Variants in NRG3 observed in about 807,000 individuals in gnomAD.
The protein encoded by NRG3 is neuregulin 3, also known as pro-neuregulin-3, membrane-bound isoform.
In NRG3, 31 loss-of-function variants were observed where a neutral mutation model predicts 66.9. That is an observed-to-expected ratio of 0.46 (90% CI 0.35 to 0.63). NRG3 has a LOEUF of 0.63. Ranked by LOEUF, NRG3 falls within the 20% of genes least tolerant of loss-of-function variation. The probability of loss-of-function intolerance (pLI) is 0.00; values close to 1 mark genes in which losing one functional copy is unlikely to be tolerated. For missense variants in NRG3, 910 were observed against 878.9 expected (o/e 1.04, Z -0.45); for synonymous variants, 393 against 359.4 (o/e 1.09, Z -1.06).
intron 1 of NRG3, among the ~76,000 whole-genome samples, chr10:82,323,095 C>T (rs117278394): frequency 0.029 from 4,344 of 152,216 alleles, 104 homozygotes; most frequent in South Asian, 0.12. Context: ...GAAGTATTTC[C>T]TGGATGTTCC....
intron 1 of NRG3, among the ~76,000 whole-genome samples, chr10:82,021,682 G>A (rs565627893): frequency 1.3e-5 from 2 of 152,058 alleles, no homozygotes; most frequent in African/African-American, 2.4e-5. Flanking sequence ...AAGCATTGAA[G>A]CAATAATTTG....
chr10:82,769,636 A>G (rs2059641784), intron 3 of NRG3, among the ~76,000 whole-genome samples: 1 of 152,226 alleles, frequency 6.6e-6, no homozygotes, highest in East Asian at 1.9e-4. Context: ...GTAGAAAGCA[A>G]TAGACTAGGA....
intron 4 of NRG3, among the ~76,000 whole-genome samples, chr10:82,928,094 G>C (rs547483863): frequency 6.6e-6 from 1 of 152,274 alleles, no homozygotes; most frequent in South Asian, 2.1e-4. Context: ...CTAATGACCA[G>C]TGATGATGAG....
chr10:81,996,012 T>C (rs2060927033), intron 1 of NRG3, among the ~76,000 whole-genome samples: 1 of 152,204 alleles, frequency 6.6e-6, no homozygotes, highest in Admixed American at 6.5e-5. Flanking sequence ...GGAATTTTTT[T>C]TTCTTTATAA....
intron 4 of NRG3, among the ~76,000 whole-genome samples, chr10:82,913,577 T>C (rs1470065322): frequency 6.6e-6 from 1 of 152,188 alleles, no homozygotes. Context: ...GAATTCTAAA[T>C]TGGTGATGGT....
intron 4 of NRG3, among the ~76,000 whole-genome samples, chr10:82,932,961 G>C (rs576390021): frequency 6.6e-6 from 1 of 151,566 alleles, no homozygotes; most frequent in Admixed American, 6.6e-5. Flanking sequence ...TTCTTCACTC[G>C]CCTTTCTTCT....
intron 1 of NRG3, among the ~76,000 whole-genome samples, chr10:82,222,491 G>A (rs2133790562): frequency 6.6e-6 from 1 of 152,214 alleles, no homozygotes; most frequent in Admixed American, 6.5e-5. Context: ...AGACCCAGTT[G>A]ATTAGACCCC....
intron 1 of NRG3, among the ~76,000 whole-genome samples, chr10:82,065,581 G>A (rs1365925325): frequency 6.6e-6 from 1 of 152,092 alleles, no homozygotes; most frequent in African/African-American, 2.4e-5. Context: ...AAAATTTGCT[G>A]AATTACTGAC....
intron 2 of NRG3, among the ~76,000 whole-genome samples, chr10:82,414,401 G>A (rs1372879812): frequency 6.6e-6 from 1 of 151,884 alleles, no homozygotes; most frequent in Non-Finnish European, 1.5e-5. Flanking sequence ...AGACATTTAC[G>A]GTAGTAACCT....
At chr10:82,253,470 A>G (rs1455993975) in intron 1 of NRG3, among the ~76,000 whole-genome samples, 1 of 152,184 alleles carries the variant, frequency 6.6e-6, no homozygotes, top group African/African-American at 2.4e-5. Flanking sequence ...GTCCTGCTCA[A>G]CAGTCTCACT....
chr10:82,942,647 G>GCCTTGC (rs372980532), intron 4 of NRG3, among the ~76,000 whole-genome samples: 292 of 152,326 alleles, frequency 1.9e-3, no homozygotes, highest in African/African-American at 6.7e-3. Context: ...CCTGGCCTGA[G>GCCTTGC]CCTTGCCCTT....
chr10:82,759,350 A>G (rs1325688475), intron 3 of NRG3, among the ~76,000 whole-genome samples: 1 of 151,938 alleles, frequency 6.6e-6, no homozygotes, highest in Non-Finnish European at 1.5e-5. Context: ...TAGCCAAATA[A>G]ACCTCTTTTG....
intron 1 of NRG3, among the ~76,000 whole-genome samples, chr10:81,932,067 T>C (rs1847408402): frequency 6.6e-6 from 1 of 152,092 alleles, no homozygotes; most frequent in Non-Finnish European, 1.5e-5. Flanking sequence ...GATGCTGATA[T>C]CTCTTGGCTT....
At chr10:81,966,622 T>G (rs2059739961) in intron 1 of NRG3, among the ~76,000 whole-genome samples, 1 of 152,134 alleles carries the variant, frequency 6.6e-6, no homozygotes, top group African/African-American at 2.4e-5. Flanking sequence ...TTTTCTACCT[T>G]TGGAAACAGA....
At chr10:82,612,010 A>G (rs2048346412) in intron 2 of NRG3, among the ~76,000 whole-genome samples, 2 of 152,222 alleles carry the variant, frequency 1.3e-5, no homozygotes, top group South Asian at 2.1e-4. Flanking sequence ...GCATTTCTCT[A>G]ATGACCAGTG....
rs149906171 is a variant in NRG3 at position 82,928,000 on chromosome 10, C to A, written c.1055-23469C>A. On this transcript the variant is annotated intron_variant, in intron 4 of 8. Transcript: ENST00000372141. ...TCCTGTGTCTCCATATCCTCTCCAG[C>A]ATCTGTTGTTTCCTAACTTTTTAAT... Among the ~76,000 whole-genome samples, 158 of 152,312 alleles carry A rather than the reference C, an allele frequency of 1.0e-3. 3 individuals are homozygous for A. The East Asian group carries it at 0.026, about 25-fold the overall frequency.
At chr10:82,570,768 C>A (rs1344770290) in intron 2 of NRG3, among the ~76,000 whole-genome samples, 1 of 151,584 alleles carries the variant, frequency 6.6e-6, no homozygotes, top group Non-Finnish European at 1.5e-5. Flanking sequence ...AAGAAGCTTC[C>A]GCTTCTGATC....
At chr10:82,515,986 G>C (rs377708670) in intron 2 of NRG3, among the ~76,000 whole-genome samples, 2 of 152,178 alleles carry the variant, frequency 1.3e-5, no homozygotes, top group African/African-American at 4.8e-5. Context: ...TTTGTACCAG[G>C]ATAACCCCAA....
chr10:82,906,802 C>G (rs1844778332), intron 4 of NRG3, among the ~76,000 whole-genome samples: 1 of 151,882 alleles, frequency 6.6e-6, no homozygotes, highest in African/African-American at 2.4e-5. Context: ...TATAAAATCA[C>G]CTTGTTATTA....
Sources: gnomAD v4.1 joint callset for allele counts (sites outside exome capture counted in the v4.1 genomes callset) on GRCh38, gnomAD v4.1.1 for gene constraint, MANE v1.5 for transcripts, NCBI Gene and HGNC (gene_info 2026-07-23, HGNC 2026-07-21) for gene names.